CREB5: variants seen among roughly 807,000 people sequenced by gnomAD.
CREB5 encodes cyclic AMP-responsive element-binding protein 5.
Under a neutral mutation model 57.1 loss-of-function variants are expected in CREB5, and 19 were observed. The observed-to-expected ratio is 0.33, with a 90% confidence interval of 0.23 to 0.49. The LOEUF is 0.49. Ranked by LOEUF, CREB5 falls within the 20% of genes least tolerant of loss-of-function variation. The pLI is 0.99. For synonymous variants in CREB5, 238 were observed against 238.3 expected (o/e 1.00, Z 0.01); for missense variants, 579 against 671.6 (o/e 0.86, Z 1.52).
chr7:28,667,147 G>C (rs1799857353), intron 5 of CREB5, among the ~76,000 whole-genome samples: 2 of 151,906 alleles, frequency 1.3e-5, no homozygotes, highest in South Asian at 2.1e-4. Flanking sequence ...AAATCCGAAA[G>C]ATATACACCT....
chr7:28,767,533 G>A (rs1806070759), intron 7 of CREB5, among the ~76,000 whole-genome samples: 1 of 152,106 alleles, frequency 6.6e-6, no homozygotes, highest in African/African-American at 2.4e-5. Flanking sequence ...AGCCCAACAT[G>A]GCCCTAAAGA....
chr7:28,389,863 A>G (rs1787181219), intron 1 of CREB5, among the ~76,000 whole-genome samples: 1 of 151,924 alleles, frequency 6.6e-6, no homozygotes, highest in Admixed American at 6.6e-5. Context: ...TCTGGTCTGT[A>G]TTAACAATGG....
At chr7:28,509,554 C>A (rs1049995995) in intron 4 of CREB5, among the ~76,000 whole-genome samples, 4 of 152,168 alleles carry the variant, frequency 2.6e-5, no homozygotes, top group African/African-American at 7.2e-5. Flanking sequence ...TTACTTCCTC[C>A]CTAGACCAGA....
intron 5 of CREB5, among the ~76,000 whole-genome samples, chr7:28,684,208 C>T (rs1462097703): frequency 6.6e-6 from 1 of 152,186 alleles, no homozygotes; most frequent in Non-Finnish European, 1.5e-5. Context: ...GCAAGTCAGA[C>T]GTAAATGAGT....
At chr7:28,328,966 C>T (rs939159011) in intron 1 of CREB5, among the ~76,000 whole-genome samples, 13 of 152,290 alleles carry the variant, frequency 8.5e-5, no homozygotes, top group Middle Eastern at 3.4e-3. Context: ...TGAATTTTGC[C>T]GGTGACTTAC....
In CREB5 at chr7:28,822,780, G is replaced by A. The variant is rs1180219044; in HGVS notation, c.*3501G>A. On this transcript the variant is annotated 3_prime_UTR_variant, in exon 11 of 11. Coordinates refer to ENST00000357727, the MANE Select transcript of CREB5 (RefSeq NM_182898.4). ...AATCCACGAAGCCAGGAGAGGTAGA[G>A]TGAAAATCCCAGCCATGGATGAATG... 6.6e-6 allele frequency: 1 copy of A among 152,506 alleles called. No homozygotes were observed. The highest frequency in any genetic ancestry group is 2.4e-5 in the African/African-American group (1 of 41,442). 9.4% of individuals were successfully genotyped at this position (152,506 alleles called of 1,614,324 possible).
rs1217212210 is a variant in CREB5, at chr7:28,464,493, TTGCGTGTGTGTGTGTG to T, written c.4-23679_4-23664del. On this transcript the variant is annotated intron_variant, in intron 1 of 10. Coordinates refer to ENST00000357727, the MANE Select transcript of CREB5 (RefSeq NM_182898.4). ...GGCCTGATCTCTCCTTTGTGGAAAG[TTGCGTGTGTGTGTGTG>T]TGTGTGTGTGTGTGTGTGTGTGTGT... Among the ~76,000 whole-genome samples, 3 of 107,722 alleles carry T rather than the reference TTGCGTGTGTGTGTGTG, an allele frequency of 2.8e-5. No homozygotes were observed. The East Asian group carries it at 7.8e-4, about 28-fold the overall frequency. The allele number at this position is 107,722 out of a possible 152,430, so 70.7% of individuals were successfully genotyped here. A position where few individuals can be genotyped will look rare whatever the true frequency, so the allele number is the denominator to read the frequency against.
Position 28,304,332 on chromosome 7 carries a change from G to C in CREB5, c.-25+4891G>C, listed in dbSNP as rs534664386. ...CAATCATAGACTTATAGTACAAGAG[G>C]ATATGTGAAAAATCCATCTAATGAC... is the stretch of plus-strand genomic sequence containing the variant. On this transcript the variant is annotated intron_variant, in intron 1 of 9. Transcript: ENST00000396299. 4.1e-4 allele frequency among the ~76,000 whole-genome samples: 62 copies of C among 152,276 alleles called. No homozygotes were observed. In the East Asian group the frequency reaches 0.01, roughly 25 times the overall value.
At chr7:28,353,955 G>T (rs1052937914) in intron 1 of CREB5, among the ~76,000 whole-genome samples, 1 of 152,146 alleles carries the variant, frequency 6.6e-6, no homozygotes, top group Non-Finnish European at 1.5e-5. Flanking sequence ...TCTAGAGGTA[G>T]TAAGACACCA....
At chr7:28,758,615 C>T (rs948733857) in intron 7 of CREB5, among the ~76,000 whole-genome samples, 1 of 152,138 alleles carries the variant, frequency 6.6e-6, no homozygotes, top group South Asian at 2.1e-4. Flanking sequence ...GTGAAATCCC[C>T]CAGCCACTTA....
At chr7:28,614,252 C>T (rs534285777) in intron 5 of CREB5, among the ~76,000 whole-genome samples, 4 of 152,210 alleles carry the variant, frequency 2.6e-5, no homozygotes. Flanking sequence ...AGCCACTGTA[C>T]CCAGGCAGAA....
intron 7 of CREB5, among the ~76,000 whole-genome samples, chr7:28,799,296 T>C (rs544476400): frequency 2.0e-5 from 3 of 152,334 alleles, no homozygotes; most frequent in Non-Finnish European, 2.9e-5. Flanking sequence ...TAAGTGTGTA[T>C]TTCTTCTCTC....
At position 28,602,190 on chromosome 7, in the gene CREB5, G is replaced by A. The variant is rs186042575; in HGVS notation, c.464+31653G>A. On this transcript the variant is annotated intron_variant, in intron 5 of 10. Transcript: ENST00000357727. Reference sequence around the variant, plus strand: ...CGCCCAGGCTGGAGTGCACTGGTGCGATCTCGGCTCACTGCAACCTCTGCC... The same window carrying A: ...CGCCCAGGCTGGAGTGCACTGGTGCAATCTCGGCTCACTGCAACCTCTGCC... Among the ~76,000 whole-genome samples, 1,214 of 152,066 alleles carry A rather than the reference G, an allele frequency of 8.0e-3. 34 individuals carry two copies. Among genetic ancestry groups the A allele is most frequent in the Admixed American group, 0.052 (793 of 15,266 alleles).
intron 5 of CREB5, among the ~76,000 whole-genome samples, chr7:28,616,182 C>G (rs2128681396): frequency 6.6e-6 from 1 of 152,244 alleles, no homozygotes; most frequent in East Asian, 1.9e-4. Flanking sequence ...AAATTTTTGG[C>G]AGGAATACTT....
At chr7:28,542,189 T>G (rs1272558083) in intron 4 of CREB5, among the ~76,000 whole-genome samples, 1 of 152,230 alleles carries the variant, frequency 6.6e-6, no homozygotes, top group Non-Finnish European at 1.5e-5. Flanking sequence ...TTATTATTTC[T>G]GTTTTATGGG....
At chr7:28,599,908 A>G (rs1330936827) in intron 5 of CREB5, among the ~76,000 whole-genome samples, 1 of 152,138 alleles carries the variant, frequency 6.6e-6, no homozygotes, top group Non-Finnish European at 1.5e-5. Flanking sequence ...ACCTGCATCT[A>G]TGGCAGTGTC....
chr7:28,323,366 C>T (rs1000116143), intron 1 of CREB5, among the ~76,000 whole-genome samples: 1 of 152,200 alleles, frequency 6.6e-6, no homozygotes, highest in East Asian at 1.9e-4. Flanking sequence ...TTTATCCCTT[C>T]TCCTCTTCCC....
At chr7:28,354,221 GGGT>G (rs1361271729) in intron 1 of CREB5, among the ~76,000 whole-genome samples, 12 of 152,158 alleles carry the variant, frequency 7.9e-5, no homozygotes, top group Admixed American at 5.9e-4. Context: ...TATTGATCCT[GGGT>G]GCATCTGTGA....
At chr7:28,604,626 TAATAA>T (rs934963507) in intron 5 of CREB5, among the ~76,000 whole-genome samples, 56 of 151,248 alleles carry the variant, frequency 3.7e-4, no homozygotes, top group Middle Eastern at 3.5e-3. Context: ...AAATATTAAA[TAATAA>T]AATAAAATAA....
Sources: allele counts gnomAD v4.1 joint callset (sites outside exome capture counted in the v4.1 genomes callset), GRCh38; gene constraint gnomAD v4.1.1; transcripts MANE v1.5; gene names NCBI Gene and HGNC (gene_info 2026-07-23, HGNC 2026-07-21).